Variants in EYS observed in about 807,000 individuals in gnomAD.
The protein encoded by EYS is EGF-like photoreceptor maintenance factor, also known as protein eyes shut homolog.
In EYS, 250 loss-of-function variants were observed where a neutral mutation model predicts 282.1. The observed-to-expected ratio is 0.89, with a 90% CI of 0.80 to 0.98. The LOEUF is 0.98. Among genes scored for constraint, EYS ranks in the 50% least tolerant of loss-of-function variants. EYS has a pLI of 0.00. For missense variants in EYS, 4,016 were observed against 3,709.0 expected (o/e 1.08, Z -2.15); for synonymous variants, 1,355 against 1,282.9 (o/e 1.06, Z -1.20).
intron 26 of EYS, among the ~76,000 whole-genome samples, chr6:64,449,771 AG>A (rs1199743905): frequency 2.0e-5 from 3 of 152,212 alleles, no homozygotes; most frequent in Non-Finnish European, 4.4e-5. Context: ...TCATAAGTGA[AG>A]GAGAAATAAA....
chr6:63,922,098 C>T (rs2149744328), intron 35 of EYS, among the ~76,000 whole-genome samples: 1 of 152,218 alleles, frequency 6.6e-6, no homozygotes, highest in East Asian at 1.9e-4. Context: ...GAAGAGAGTC[C>T]CCAGAACCCA....
chr6:65,580,468 A>G (rs1764828420), intron 2 of EYS, among the ~76,000 whole-genome samples: 1 of 152,150 alleles, frequency 6.6e-6, no homozygotes, highest in African/African-American at 2.4e-5. Flanking sequence ...AGAGACTAAG[A>G]AGATTTAGGA....
intron 24 of EYS, among the ~76,000 whole-genome samples, chr6:64,594,526 T>A (rs1473207691): frequency 2.0e-5 from 3 of 151,846 alleles, no homozygotes; most frequent in African/African-American, 7.3e-5. Context: ...AAAGGATGAG[T>A]TCATGTCCTT....
At chr6:65,348,748 T>C (rs1419479563) in intron 9 of EYS, among the ~76,000 whole-genome samples, 3 of 151,594 alleles carry the variant, frequency 2.0e-5, no homozygotes, top group Non-Finnish European at 4.4e-5. Flanking sequence ...TTTTGTTTGA[T>C]TACTAGTGCT....
chr6:65,261,339 A>C (rs141483183), intron 12 of EYS, among the ~76,000 whole-genome samples: 1 of 152,104 alleles, frequency 6.6e-6, no homozygotes, highest in East Asian at 1.9e-4. Context: ...TATAATTTTT[A>C]CATCTCATCC....
At chr6:65,690,403 C>A (rs527490968) in intron 1 of EYS, among the ~76,000 whole-genome samples, 1 of 149,768 alleles carries the variant, frequency 6.7e-6, no homozygotes, top group African/African-American at 2.4e-5. Flanking sequence ...GCCCCTCATG[C>A]GTCCGTTTAT....
intron 13 of EYS, among the ~76,000 whole-genome samples, chr6:65,050,580 G>A (rs985919007): frequency 6.6e-6 from 1 of 151,486 alleles, no homozygotes; most frequent in African/African-American, 2.4e-5. Flanking sequence ...TACATTTCCA[G>A]AACATTAGAG....
intron 2 of EYS, among the ~76,000 whole-genome samples, chr6:65,595,594 T>A (rs1765376412): frequency 6.6e-6 from 1 of 151,630 alleles, no homozygotes; most frequent in Admixed American, 6.6e-5. Flanking sequence ...TCTAAGGAGT[T>A]AATGCATGTA....
chr6:65,021,510 C>A (rs1238324205), intron 13 of EYS, among the ~76,000 whole-genome samples: 1 of 152,220 alleles, frequency 6.6e-6, no homozygotes, highest in Admixed American at 6.5e-5. Context: ...TCCAAACTTT[C>A]CCACATCTTC....
In EYS at chr6:65,495,392, C is replaced by G; in HGVS notation, c.19G>C (p.Val7Leu). 1 of 1,611,296 alleles carries G rather than the reference C, an allele frequency of 6.2e-7. No individual in the cohort carries two copies. The highest frequency in any genetic ancestry group is 8.5e-7 in the Non-Finnish European group (1 of 1,179,924). The change falls in exon 4 of 43, where the codon GTC (valine) becomes CTC (leucine). Residue 7 changes from valine (V) to leucine (L), a missense_variant. Physicochemically the swap from Val to Leu is conservative, Grantham distance 32 (BLOSUM62 1). Transcript: ENST00000503581. MTDKSI[V>L]ILSLMVFHSS... ...TGAAAAACCATCAGGCTCAGAATGA[C>G]GATTGATTTGTCAGTCATTTTCGGG...
At chr6:65,006,764 T>A (rs1420933111) in intron 13 of EYS, among the ~76,000 whole-genome samples, 7 of 152,170 alleles carry the variant, frequency 4.6e-5, no homozygotes, top group Non-Finnish European at 4.4e-5. Context: ...ATTCAGTAAT[T>A]GATAAGGAGA....
intron 36 of EYS, among the ~76,000 whole-genome samples, chr6:63,839,792 T>G (rs1246735703): frequency 6.6e-6 from 1 of 152,184 alleles, no homozygotes; most frequent in African/African-American, 2.4e-5. Context: ...TTGAGGACCC[T>G]CCACACTGTT....
chr6:63,839,147 T>C (rs1422752675), intron 36 of EYS, among the ~76,000 whole-genome samples: 1 of 152,206 alleles, frequency 6.6e-6, no homozygotes, highest in Admixed American at 6.5e-5. Flanking sequence ...TGTCATAGAA[T>C]GCTAGAACTT....
At chr6:65,309,541 G>GTCCCC (rs1769100372) in intron 11 of EYS, among the ~76,000 whole-genome samples, 2 of 152,174 alleles carry the variant, frequency 1.3e-5, no homozygotes, top group African/African-American at 4.8e-5. Flanking sequence ...TCACTGAGGA[G>GTCCCC]CTTATAGCTT....
At chr6:64,014,214 CA>C (rs1013035680) in intron 33 of EYS, among the ~76,000 whole-genome samples, 2 of 151,036 alleles carry the variant, frequency 1.3e-5, no homozygotes, top group African/African-American at 4.9e-5. Context: ...AAAATTTAAA[CA>C]AAAAGTAATT....
intron 1 of EYS, among the ~76,000 whole-genome samples, chr6:65,696,162 A>C (rs979393440): frequency 1.3e-5 from 2 of 152,030 alleles, no homozygotes; most frequent in Non-Finnish European, 2.9e-5. Context: ...TGTATTCTTC[A>C]AAACGACTGA....
intron 31 of EYS, among the ~76,000 whole-genome samples, chr6:64,117,270 T>C (rs1245863301): frequency 3.3e-5 from 5 of 151,664 alleles, no homozygotes; most frequent in African/African-American, 1.2e-4. Flanking sequence ...TTCACAAATA[T>C]GTGGCAGATC....
chr6:64,295,868 A>G (rs1340159884), intron 30 of EYS, among the ~76,000 whole-genome samples: 1 of 152,192 alleles, frequency 6.6e-6, no homozygotes, highest in Admixed American at 6.5e-5. Context: ...TGACAGCTAT[A>G]CAATACTTAA....
intron 33 of EYS, among the ~76,000 whole-genome samples, chr6:64,029,700 C>T (rs142756697): frequency 3.6e-3 from 553 of 152,284 alleles, no homozygotes; most frequent in Middle Eastern, 0.017. Context: ...GAATGGGATA[C>T]GAAGGGCAGG....
Sources: allele counts gnomAD v4.1 joint callset (sites outside exome capture counted in the v4.1 genomes callset), GRCh38; gene constraint gnomAD v4.1.1; transcripts MANE v1.5; gene names NCBI Gene and HGNC (gene_info 2026-07-23, HGNC 2026-07-21).